The following FOCAD variants were observed in gnomAD, a reference collection of about 807,000 sequenced individuals.
FOCAD encodes the protein KIAA1797.
FOCAD carries 198 observed loss-of-function variants against 225.6 expected under a neutral mutation model. The ratio of observed to expected loss-of-function variants is 0.88; its 90% CI spans 0.78 to 0.99. FOCAD has a LOEUF of 0.99. Ranked by LOEUF, FOCAD falls within the 50% of genes least tolerant of loss-of-function variation. The pLI is 0.00. For synonymous variants in FOCAD, 897 were observed against 755.0 expected (o/e 1.19, Z -3.08); for missense variants, 2,713 against 2,123.6 (o/e 1.28, Z -5.46).
At chr9:20,746,533 C>T (rs1159484595) in intron 5 of FOCAD, among the ~76,000 whole-genome samples, 1 of 152,156 alleles carries the variant, frequency 6.6e-6, no homozygotes, top group East Asian at 1.9e-4. Context: ...CAAAGACTCC[C>T]ATGTACCATT....
At chr9:20,958,729 T>C (rs1433482834) in intron 35 of FOCAD, among the ~76,000 whole-genome samples, 1 of 152,174 alleles carries the variant, frequency 6.6e-6, no homozygotes, top group Admixed American at 6.5e-5. Flanking sequence ...TCTCTTCTAC[T>C]TTTTACTTCT....
chr9:20,893,054 G>T (rs1179469666), intron 21 of FOCAD, among the ~76,000 whole-genome samples: 1 of 151,876 alleles, frequency 6.6e-6, no homozygotes, highest in East Asian at 1.9e-4. Context: ...TCACTATGTT[G>T]CCCAGGCTGG....
At chr9:20,802,926 A>T (rs1376351386) in intron 11 of FOCAD, among the ~76,000 whole-genome samples, 2 of 152,150 alleles carry the variant, frequency 1.3e-5, no homozygotes. Flanking sequence ...TTGGCTAATT[A>T]GTTTGTTACA....
At chr9:20,772,776 T>G (rs1038742421) in intron 8 of FOCAD, among the ~76,000 whole-genome samples, 4 of 152,050 alleles carry the variant, frequency 2.6e-5, no homozygotes, top group Admixed American at 6.6e-5. Flanking sequence ...CCAGGAAGAC[T>G]CAAGTATTAC....
chr9:20,948,791 T>C, intron 31 of FOCAD, 60 bp from the exon 32 acceptor site: 1 of 1,571,952 alleles, frequency 6.4e-7, no homozygotes, highest in Non-Finnish European at 8.7e-7. Context: ...TCAGAAGTTT[T>C]ATAGAATCTA....
intron 15 of FOCAD, among the ~76,000 whole-genome samples, chr9:20,856,637 T>C (rs913222356): frequency 2.0e-5 from 3 of 152,064 alleles, no homozygotes; most frequent in African/African-American, 4.8e-5. Context: ...GTCTGTACTT[T>C]GGAGGTATTA....
intron 15 of FOCAD, among the ~76,000 whole-genome samples, chr9:20,826,527 G>A (rs993164859): frequency 1.3e-5 from 2 of 152,004 alleles, no homozygotes; most frequent in Non-Finnish European, 2.9e-5. Flanking sequence ...TTTGCATATG[G>A]CCTATTGTGG....
At chr9:20,915,981 A>C (rs1014204058) in intron 23 of FOCAD, among the ~76,000 whole-genome samples, 7 of 152,186 alleles carry the variant, frequency 4.6e-5, no homozygotes, top group Non-Finnish European at 1.0e-4. Context: ...AAATGCTTTT[A>C]AAAAATACAA....
Position 20,842,434 on chromosome 9 carries a change from A to T in FOCAD, c.1920+19319A>T, listed in dbSNP as rs543518722. 3.3e-5 allele frequency among the ~76,000 whole-genome samples: 5 copies of T among 152,038 alleles called. No individual in the cohort carries two copies. In the South Asian group the frequency reaches 8.3e-4, roughly 25 times the overall value. ...ATCTGGGTATGCCAGTGTTGGGTAC[A>T]TATATATGTATAGTTTTTTTATCCT... On this transcript the variant is annotated intron_variant, in intron 15 of 43. Coordinates refer to ENST00000338382, the MANE Select transcript of FOCAD (RefSeq NM_001375567.1).
At chr9:20,730,551 C>G (rs1826600975) in intron 4 of FOCAD, among the ~76,000 whole-genome samples, 1 of 152,096 alleles carries the variant, frequency 6.6e-6, no homozygotes, top group South Asian at 2.1e-4. Context: ...TTTGGATCCA[C>G]TCTTTAGAAG....
intron 15 of FOCAD, among the ~76,000 whole-genome samples, chr9:20,827,306 T>A (rs1825001154): frequency 6.6e-6 from 1 of 152,092 alleles, no homozygotes; most frequent in African/African-American, 2.4e-5. Context: ...ATATGATGTG[T>A]TGTCTTTTGT....
chr9:20,877,451 C>T (rs549209909), intron 19 of FOCAD, among the ~76,000 whole-genome samples: 3 of 152,274 alleles, frequency 2.0e-5, no homozygotes, highest in South Asian at 4.1e-4. Context: ...CTTCATAGAT[C>T]ACTTTACACA....
At chr9:20,754,413 C>G (rs926516188) in intron 5 of FOCAD, among the ~76,000 whole-genome samples, 1 of 152,044 alleles carries the variant, frequency 6.6e-6, no homozygotes, top group Non-Finnish European at 1.5e-5. Flanking sequence ...TTTAAGCCTT[C>G]TAGTTTCTAG....
intron 19 of FOCAD, among the ~76,000 whole-genome samples, chr9:20,879,814 TGTTAG>T (rs1327600047): frequency 6.6e-6 from 1 of 152,216 alleles, no homozygotes; most frequent in Admixed American, 6.5e-5. Flanking sequence ...CCTGGGCTGG[TGTTAG>T]GTAAACATCT....
chr9:20,682,193 T>C (rs898087430), upstream of FOCAD, among the ~76,000 whole-genome samples: 1 of 152,244 alleles, frequency 6.6e-6, no homozygotes, highest in Non-Finnish European at 1.5e-5. Flanking sequence ...CTTGCAGAAC[T>C]GTGAACAATA....
In FOCAD at chr9:20,982,349, T is replaced by C. The variant is rs1340271298; in HGVS notation, c.4639-8T>C. On this transcript the variant is annotated splice_polypyrimidine_tract_variant and splice_region_variant and intron_variant, in intron 38 of 43. Transcript: ENST00000338382. Reference sequence around the variant, plus strand: ...TTTGTTGACATGTTTGGGATTTTTCTTTATCAGAGAAAGGATCTAGAGCTG... The same window carrying C: ...TTTGTTGACATGTTTGGGATTTTTCCTTATCAGAGAAAGGATCTAGAGCTG... 6.2e-7 allele frequency: 1 copy of C among 1,600,124 alleles called. No individual in the cohort carries two copies. Among genetic ancestry groups the C allele is most frequent in the African/African-American group, 1.3e-5 (1 of 74,610 alleles).
intron 21 of FOCAD, among the ~76,000 whole-genome samples, chr9:20,899,522 A>T (rs988141669): frequency 6.6e-6 from 1 of 151,998 alleles, no homozygotes; most frequent in Non-Finnish European, 1.5e-5. Context: ...TACAGATCTC[A>T]TAACAGTTGT....
intron 15 of FOCAD, among the ~76,000 whole-genome samples, chr9:20,833,408 A>G (rs1023940323): frequency 1.3e-5 from 2 of 152,106 alleles, no homozygotes; most frequent in Admixed American, 6.6e-5. Flanking sequence ...TTTGATTATT[A>G]TAGGATTAAT....
chr9:20,703,630 A>C (rs542169130), intron 1 of FOCAD, among the ~76,000 whole-genome samples: 4 of 151,904 alleles, frequency 2.6e-5, no homozygotes, highest in South Asian at 4.2e-4. Flanking sequence ...GCATATAAGT[A>C]ATTTATCTTT....
Sources: gnomAD v4.1 joint callset for allele counts (sites outside exome capture counted in the v4.1 genomes callset) on GRCh38, gnomAD v4.1.1 for gene constraint, MANE v1.5 for transcripts, NCBI Gene and HGNC (gene_info 2026-07-23, HGNC 2026-07-21) for gene names.